Variants in IL32 observed in about 807,000 individuals in gnomAD.
The protein encoded by IL32 is interleukin 32, also known as interleukin-32.
Under a neutral mutation model 16.6 loss-of-function variants are expected in IL32, and 30 were observed. That is an observed-to-expected ratio of 1.81 (90% CI 1.35 to 2.45). The LOEUF (loss-of-function observed/expected upper bound fraction) is 2.45. Ranked by LOEUF, IL32 falls within the 30% of genes most tolerant of loss-of-function variation. The pLI is 0.00. For synonymous variants in IL32, 70 were observed against 86.1 expected, an observed-to-expected ratio of 0.81 and a Z score of 1.03; for missense variants, 234 against 229.8, an observed-to-expected ratio of 1.02 and a Z score of -0.12.
At chr16:3,067,322 T>C (rs1956489115) in intron 2 of IL32, 55 bp from the exon 3 acceptor site, 7 of 942,052 alleles carry the variant, frequency 7.4e-6, no homozygotes, top group Middle Eastern at 2.4e-4. Flanking sequence ...TAAATTATCC[T>C]GGAGGAAAGG....
intron 1 of IL32, 47 bp from the exon 2 acceptor site, chr16:3,065,737 C>A (rs1344367028): frequency 1.9e-6 from 3 of 1,584,006 alleles, no homozygotes. Flanking sequence ...GAGGAGGGTG[C>A]TTCTCTGAGA....
intron 2 of IL32, among the ~76,000 whole-genome samples, chr16:3,066,253 G>A (rs1397051873): frequency 6.6e-6 from 1 of 152,106 alleles, no homozygotes; most frequent in Admixed American, 6.5e-5. Context: ...CACCGCAAAT[G>A]CTAGGCCCAC....
intron 4 of IL32, 111 bp downstream of exon 4, chr16:3,067,724 C>T (rs750515606): frequency 5.3e-6 from 5 of 945,522 alleles, no homozygotes; most frequent in South Asian, 4.3e-5. Context: ...GGCTCCCTCA[C>T]CCCTTACCGT....
chr16:3,068,089 T>TC, intron 5 of IL32, 79 bp downstream of exon 5: 1 of 1,605,236 alleles, frequency 6.2e-7, no homozygotes, highest in South Asian at 1.1e-5. Context: ...GGGCCCCGGG[T>TC]CCCCTTGGGA....
At chr16:3,067,323 G>A in intron 2 of IL32, 54 bp from the exon 3 acceptor site, 1 of 888,386 alleles carries the variant, frequency 1.1e-6, no homozygotes, top group African/African-American at 1.7e-5. Flanking sequence ...AAATTATCCT[G>A]GAGGAAAGGT....
Position 3,067,488 on chromosome 16 carries a change from G to A in IL32, c.55-66G>A, listed in dbSNP as rs777364422. ...AGCGTGTGACACTGAGGACACTGTGGGACACCTGGGACCCTGGAGGGACAA... is the reference window on the plus strand; with the variant it reads ...AGCGTGTGACACTGAGGACACTGTGAGACACCTGGGACCCTGGAGGGACAA... On this transcript the variant is annotated intron_variant, in intron 3 of 6. Coordinates refer to ENST00000525643, the MANE Select transcript of IL32 (RefSeq NM_001376923.1). 5.1e-5 allele frequency: 82 copies of A among 1,613,754 alleles called. No homozygotes were observed. In the Admixed American group the frequency reaches 1.3e-3, roughly 26 times the overall value.
In IL32 at chr16:3,067,630, T is replaced by C; in HGVS notation, c.114+17T>C. On this transcript the variant is annotated intron_variant, in intron 4 of 6. Coordinates refer to ENST00000525643, the MANE Select transcript of IL32 (RefSeq NM_001376923.1). ...CGTGGACAGGTGGGTGGATTTCCCC[T>C]CAGGCACCAGGTCACATGTCCCCGC... 1 of 1,578,292 alleles carries C rather than the reference T, an allele frequency of 6.3e-7. No homozygotes were observed. Among genetic ancestry groups the C allele is most frequent in the South Asian group, 1.1e-5 (1 of 90,280 alleles).
intron 6 of IL32, 137 bp downstream of exon 6, chr16:3,068,376 G>A: frequency 1.3e-6 from 1 of 773,380 alleles, no homozygotes; most frequent in Non-Finnish European, 2.1e-6. Context: ...CATGATCTTG[G>A]CTCACTGCAA....
At chr16:3,067,921 G>C in intron 4 of IL32, 63 bp from the exon 5 acceptor site, 2 of 1,587,642 alleles carry the variant, frequency 1.3e-6, no homozygotes, top group East Asian at 2.2e-5. Flanking sequence ...TGGGCTTGAG[G>C]ACTGACTGAT....
At chr16:3,065,919 G>A in intron 2 of IL32, 93 bp downstream of exon 2, 3 of 1,483,888 alleles carry the variant, frequency 2.0e-6, no homozygotes, top group Non-Finnish European at 2.8e-6. Context: ...GTGCCTGTGT[G>A]TCAGGGCTCA....
chr16:3,069,298 G>T lies in IL32; in HGVS notation c.510G>T (p.Arg170=). 6.2e-7 allele frequency: 1 copy of T among 1,613,810 alleles called. No individual in the cohort carries two copies. The highest frequency in any genetic ancestry group is 8.5e-7 in the Non-Finnish European group (1 of 1,179,922). ...CTTTCCAGTCCTACGGAGCCCCACGGGGGGACAAGGAGGAGCTGACACCCC... is the reference window on the plus strand; with the variant it reads ...CTTTCCAGTCCTACGGAGCCCCACGTGGGGACAAGGAGGAGCTGACACCCC... ...MSSFQSYGAP[R]GDKEELTPQK... The change falls in exon 7 of 7, where the codon CGG becomes CGT. Residue 170 remains arginine (R), a synonymous_variant. Coordinates refer to ENST00000525643, the MANE Select transcript of IL32 (RefSeq NM_001376923.1).
At position 3,066,309 on chromosome 16, in the gene IL32, A is replaced by G. The variant is rs182154853; in HGVS notation, c.15+483A>G. Among the ~76,000 whole-genome samples the G allele has an allele frequency of 3.8e-3, 577 of 152,264 alleles. 4 individuals carry two copies. The highest frequency in any genetic ancestry group is 0.013 in the African/African-American group (530 of 41,538). On this transcript the variant is annotated intron_variant, in intron 2 of 6. Coordinates refer to ENST00000525643, the MANE Select transcript of IL32 (RefSeq NM_001376923.1). ...TCGGCCTGTGACAATAGGGGTTTCC[A>G]TGATGTGGCCTGGCTCAGGTTCAGG...
chr16:3,067,964 G>A lies in IL32; in HGVS notation c.115-20G>A, dbSNP rs765291149. 95 of 1,613,850 alleles carry A rather than the reference G, an allele frequency of 5.9e-5. No homozygotes were observed. Among genetic ancestry groups the A allele is most frequent in the Non-Finnish European group, 7.3e-5 (86 of 1,179,840 alleles). ...GCAGAGGAGGCTTGGGCCTGGAACCGAGTGCTTTGTTCCTAACAGGTGATG... is the reference window on the plus strand; with the variant it reads ...GCAGAGGAGGCTTGGGCCTGGAACCAAGTGCTTTGTTCCTAACAGGTGATG... On this transcript the variant is annotated intron_variant, in intron 4 of 6. Transcript: ENST00000525643.
rs76806131 is a variant in IL32, at chr16:3,066,616, G to A, written c.16-761G>A. ...CTCTGGCCTCTGTGGATGCAGCCAC[G>A]TGTCTGCAGGCAGGAATGGCCCGGG... is the stretch of plus-strand genomic sequence containing the variant. On this transcript the variant is annotated intron_variant, in intron 2 of 6. Transcript: ENST00000525643. Among the ~76,000 whole-genome samples, 781 of 152,262 alleles carry A rather than the reference G, an allele frequency of 5.1e-3. 8 individuals are homozygous for A. The highest frequency in any genetic ancestry group is 0.018 in the African/African-American group (751 of 41,530).
chr16:3,069,034 C>T lies in IL32; in HGVS notation c.246C>T (p.Cys82=), dbSNP rs901230804. 6.2e-7 allele frequency: 1 copy of T among 1,603,800 alleles called. No homozygotes were observed. The highest frequency in any genetic ancestry group is 1.1e-5 in the South Asian group (1 of 90,444). Reference sequence around the variant, plus strand: ...AAAAAGAAAGAGATGGATTACGGTGCCGAGGCAACAGATCCCCTGTCCCGG... The same window carrying T: ...AAAAAGAAAGAGATGGATTACGGTGTCGAGGCAACAGATCCCCTGTCCCGG... The part of the protein sequence containing the change: ...LLEKERDGLR[C]RGNRSPVPDV... The change falls in exon 7 of 7, where the codon TGC becomes TGT. Residue 82 remains cysteine (C), a synonymous_variant. Coordinates refer to ENST00000525643, the MANE Select transcript of IL32 (RefSeq NM_001376923.1).
In IL32 at chr16:3,068,242, G is replaced by T; in HGVS notation, c.201+3G>T. The T allele has an allele frequency of 6.3e-7, 1 of 1,591,198 alleles. No individual in the cohort carries two copies. Among genetic ancestry groups the T allele is most frequent in the Non-Finnish European group, 8.6e-7 (1 of 1,168,222 alleles). ...CTTATTATGAGGAGCAGCACCCAGT[G>T]AGTATGACACACCCATCTGGGCACC... On this transcript the variant is annotated splice_donor_region_variant and intron_variant, in intron 6 of 6. Transcript: ENST00000525643.
chr16:3,067,378 T>C lies in IL32; in HGVS notation c.17T>C (p.Val6Ala). The change falls in exon 3 of 7, where the codon GTC becomes GCC. Residue 6 changes from valine (V) to alanine (A), a missense_variant and splice_region_variant. By Grantham distance (64) the Val-to-Ala change is moderately conservative. Coordinates refer to ENST00000525643, the MANE Select transcript of IL32 (RefSeq NM_001376923.1). ...TGAGTGTCACCGTTATTTCCGCAGG[T>C]CCTCTCTGATGACATGAAGAAGCTG... Reference protein sequence around the residue: MCFPKVLSDDMKKLKA... With the variant: MCFPKALSDDMKKLKA... The C allele has an allele frequency of 6.5e-7, 1 of 1,538,578 alleles. No homozygotes were observed. The highest frequency in any genetic ancestry group is 8.8e-7 in the Non-Finnish European group (1 of 1,142,272).
chr16:3,068,404 T>G, intron 6 of IL32, 165 bp downstream of exon 6: 1 of 647,842 alleles, frequency 1.5e-6, no homozygotes, highest in Non-Finnish European at 2.7e-6. Flanking sequence ...ATCTCGGGTT[T>G]AAGTGATTCT....
At chr16:3,065,929 A>C in intron 2 of IL32, 103 bp downstream of exon 2, 1 of 1,358,390 alleles carries the variant, frequency 7.4e-7, no homozygotes, top group South Asian at 1.2e-5. Flanking sequence ...GTCAGGGCTC[A>C]GTCAGGGGCA....
Sources: allele counts gnomAD v4.1 joint callset (sites outside exome capture counted in the v4.1 genomes callset), GRCh38; gene constraint gnomAD v4.1.1; transcripts MANE v1.5; gene names NCBI Gene and HGNC (gene_info 2026-07-23, HGNC 2026-07-21).